The following INPP4B variants were observed in gnomAD, a reference collection of about 807,000 sequenced individuals.
INPP4B encodes inositol polyphosphate-4-phosphatase type II B, also known as inositol polyphosphate 4-phosphatase type II.
In INPP4B, 55 loss-of-function variants were observed where a neutral mutation model predicts 122.5. The observed-to-expected ratio is 0.45, with a 90% CI of 0.36 to 0.56. INPP4B has a LOEUF of 0.56. INPP4B is among the 20% of genes least tolerant of loss of function. The pLI, the probability that INPP4B is intolerant of heterozygous loss-of-function variation, is 0.00. For missense variants in INPP4B, 1,000 were observed against 1,097.7 expected (o/e 0.91, Z 1.26); for synonymous variants, 403 against 388.7 (o/e 1.04, Z -0.43).
intron 2 of INPP4B, among the ~76,000 whole-genome samples, chr4:142,499,287 C>T (rs1035069405): frequency 9.2e-5 from 14 of 151,706 alleles, no homozygotes; most frequent in Admixed American, 8.5e-4. Context: ...ATACAGCACT[C>T]AGAGAAAAAA....
chr4:142,784,985 A>T (rs1370745078), intron 1 of INPP4B, among the ~76,000 whole-genome samples: 1 of 152,150 alleles, frequency 6.6e-6, no homozygotes, highest in Non-Finnish European at 1.5e-5. Context: ...AGACTTAATC[A>T]TAACATTATA....
chr4:142,606,929 TA>T (rs2150320763), intron 2 of INPP4B, among the ~76,000 whole-genome samples: 1 of 152,108 alleles, frequency 6.6e-6, no homozygotes, highest in East Asian at 1.9e-4. Flanking sequence ...TTTTACTTAT[TA>T]AACAATAATG....
intron 25 of INPP4B, among the ~76,000 whole-genome samples, chr4:142,068,336 A>G (rs1426386494): frequency 6.6e-6 from 1 of 152,230 alleles, no homozygotes; most frequent in Non-Finnish European, 1.5e-5. Context: ...AGGAAGCACT[A>G]AACATGAAAA....
At chr4:142,030,413 C>T in intron 25 of INPP4B, 1 of 870,620 alleles carries the variant, frequency 1.1e-6, no homozygotes, top group Non-Finnish European at 1.7e-6. Context: ...TTACATAACA[C>T]AACTCTTTCA....
chr4:142,839,982 A>T (rs1783284195), intron 1 of INPP4B, among the ~76,000 whole-genome samples: 2 of 152,212 alleles, frequency 1.3e-5, no homozygotes, highest in South Asian at 4.1e-4. Flanking sequence ...CAATACAGAG[A>T]TCGCATTCTG....
intron 2 of INPP4B, among the ~76,000 whole-genome samples, chr4:142,481,163 T>G (rs1445210469): frequency 6.7e-6 from 1 of 148,396 alleles, no homozygotes; most frequent in Non-Finnish European, 1.5e-5. Context: ...AAAAGTAGAT[T>G]AAACTGTTTA....
intron 14 of INPP4B, among the ~76,000 whole-genome samples, chr4:142,199,053 T>C (rs184580367): frequency 6.6e-6 from 1 of 152,202 alleles, no homozygotes; most frequent in East Asian, 1.9e-4. Context: ...ATCAGAGTAT[T>C]AGTTTTCGTA....
chr4:142,844,807 A>T (rs1476865239), intron 1 of INPP4B, among the ~76,000 whole-genome samples: 1 of 152,218 alleles, frequency 6.6e-6, no homozygotes, highest in Non-Finnish European at 1.5e-5. Flanking sequence ...CATTAAGAAA[A>T]GTCCTTTTTC....
chr4:142,109,904 C>T (rs1578931562), intron 22 of INPP4B, among the ~76,000 whole-genome samples: 1 of 152,104 alleles, frequency 6.6e-6, no homozygotes, highest in Non-Finnish European at 1.5e-5. Context: ...TTGGTATAAA[C>T]TCAGTGTTCA....
intron 3 of INPP4B, among the ~76,000 whole-genome samples, chr4:142,438,188 T>C (rs1810944896): frequency 6.6e-6 from 1 of 152,102 alleles, no homozygotes; most frequent in Non-Finnish European, 1.5e-5. Context: ...CTTCACAGAA[T>C]TAGAAAAAAA....
At chr4:142,625,913 G>A (rs6834451) in intron 2 of INPP4B, among the ~76,000 whole-genome samples, 16,490 of 152,166 alleles carry the variant, frequency 0.11, 928 homozygotes, top group South Asian at 0.15. Flanking sequence ...ATGGTGCTGG[G>A]AGAACTGGCT....
At chr4:142,761,327 G>T (rs769295780) in intron 1 of INPP4B, among the ~76,000 whole-genome samples, 13 of 152,012 alleles carry the variant, frequency 8.6e-5, no homozygotes, top group Admixed American at 2.0e-4. Flanking sequence ...TTGTGCATAG[G>T]TTCCTTTTGA....
intron 2 of INPP4B, among the ~76,000 whole-genome samples, chr4:142,708,060 C>T (rs1462629808): frequency 1.3e-5 from 2 of 152,156 alleles, no homozygotes; most frequent in Non-Finnish European, 2.9e-5. Context: ...AGGTTGGAGG[C>T]ATTGTAACCC....
At position 142,027,966 on chromosome 4, in the gene INPP4B, T is replaced by C. The variant is rs1333851409; in HGVS notation, c.*816A>G. 1 of 189,530 alleles carries C rather than the reference T, an allele frequency of 5.3e-6. No individual in the cohort carries two copies. The highest frequency in any genetic ancestry group is 1.1e-5 in the Non-Finnish European group (1 of 90,214). The allele number at this position is 189,530 out of a possible 1,614,324, so 11.7% of individuals were successfully genotyped here. ...ACTGACATTCATGAACTTCACAACA[T>C]AAAGTTCAGGCTGATGGGAATTTTC... is the stretch of plus-strand genomic sequence containing the variant. On this transcript the variant is annotated 3_prime_UTR_variant, in exon 26 of 26. Transcript: ENST00000262992.
chr4:142,300,014 T>C (rs1760717838), intron 9 of INPP4B, among the ~76,000 whole-genome samples: 1 of 152,220 alleles, frequency 6.6e-6, no homozygotes, highest in African/African-American at 2.4e-5. Flanking sequence ...TACATCAACT[T>C]TATTTGTGTG....
At chr4:142,837,206 A>C (rs569374108) in intron 1 of INPP4B, among the ~76,000 whole-genome samples, 1 of 151,338 alleles carries the variant, frequency 6.6e-6, no homozygotes, top group Non-Finnish European at 1.5e-5. Flanking sequence ...CCAAGGTCTC[A>C]ATATGCAAAC....
chr4:142,696,586 A>C (rs1169250248), intron 2 of INPP4B, among the ~76,000 whole-genome samples: 1 of 152,026 alleles, frequency 6.6e-6, no homozygotes, highest in East Asian at 1.9e-4. Context: ...CACTGCTTAC[A>C]CCCACTTAAA....
At chr4:142,746,700 G>C (rs567146689) in intron 1 of INPP4B, among the ~76,000 whole-genome samples, 19 of 151,976 alleles carry the variant, frequency 1.3e-4, no homozygotes, top group Admixed American at 3.9e-4. Context: ...CAGAACAGAG[G>C]CCTCAGAAAT....
chr4:142,658,790 T>G (rs1322486658), intron 2 of INPP4B, among the ~76,000 whole-genome samples: 1 of 152,178 alleles, frequency 6.6e-6, no homozygotes, highest in Non-Finnish European at 1.5e-5. Context: ...ATCTATGCAG[T>G]CCCTGTACAG....
Sources: gnomAD v4.1 joint callset for allele counts (sites outside exome capture counted in the v4.1 genomes callset) on GRCh38, gnomAD v4.1.1 for gene constraint, MANE v1.5 for transcripts, NCBI Gene and HGNC (gene_info 2026-07-23, HGNC 2026-07-21) for gene names.